Variants in GABRR3 observed in about 807,000 individuals in gnomAD.
GABRR3 encodes the protein gamma-aminobutyric acid receptor subunit rho-3.
GABRR3 carries 29 observed loss-of-function variants against 43.2 expected under a neutral mutation model. The ratio of observed to expected loss-of-function variants is 0.67; its 90% CI spans 0.50 to 0.92. GABRR3 has a LOEUF of 0.92. Ranked by LOEUF, GABRR3 falls within the 40% of genes least tolerant of loss-of-function variation. The pLI, the probability that GABRR3 is intolerant of heterozygous loss-of-function variation, is 0.00. For synonymous variants in GABRR3, 206 were observed against 195.9 expected (o/e 1.05, Z -0.43); for missense variants, 576 against 572.3 (o/e 1.01, Z -0.07).
chr3:98,014,822 G>T lies in GABRR3; in HGVS notation c.307-2255C>A, dbSNP rs78262155. On this transcript the variant is annotated intron_variant, in intron 4 of 9. Transcript: ENST00000621172. ...TGATTTTAGTGATTGATATTTTCTA[G>T]GTCCCTCCCTCAACAGATCCCTGTT... is the stretch of plus-strand genomic sequence containing the variant. Among the ~76,000 whole-genome samples the T allele has an allele frequency of 8.7e-3, 1,326 of 152,180 alleles. 17 individuals are homozygous for T. The highest frequency in any genetic ancestry group is 0.03 in the African/African-American group (1,264 of 41,532).
rs74346185 is a variant in GABRR3, at chr3:98,016,721, A to C, written c.306+934T>G. Among the ~76,000 whole-genome samples the C allele has an allele frequency of 1.2e-3, 177 of 152,338 alleles. 2 individuals are homozygous for C. The East Asian group carries it at 0.03, about 26-fold the overall frequency. On this transcript the variant is annotated intron_variant, in intron 4 of 9. Transcript: ENST00000621172. Reference sequence around the variant, plus strand: ...GATCAAGAGTGAGTAAAAAGGAAATATATCTGAAAACAAATATGTAGGTGC... The same window carrying C: ...GATCAAGAGTGAGTAAAAAGGAAATCTATCTGAAAACAAATATGTAGGTGC...
chr3:97,986,565 G>A (rs564785004), downstream of GABRR3: 136 of 669,316 alleles, frequency 2.0e-4, no homozygotes, highest in African/African-American at 2.4e-3. Context: ...ATTTTCATTA[G>A]GGCAGGAGAG....
In GABRR3 at chr3:98,011,413, T is replaced by C. The variant is rs1360767502; in HGVS notation, c.530+931A>G. 2.0e-5 allele frequency among the ~76,000 whole-genome samples: 3 copies of C among 152,198 alleles called. No individual in the cohort carries two copies. The East Asian group carries it at 5.8e-4, about 29-fold the overall frequency. ...CTCTTAGCTCTAGGGGGAAAATCCA[T>C]GTGTCCTATAGCTTCTGGTGGCTGC... On this transcript the variant is annotated intron_variant, in intron 5 of 9. Coordinates refer to ENST00000621172, the Ensembl canonical transcript of GABRR3.
At chr3:98,007,445 A>C (rs1398786820) in intron 7 of GABRR3, among the ~76,000 whole-genome samples, 1 of 152,190 alleles carries the variant, frequency 6.6e-6, no homozygotes, top group East Asian at 1.9e-4. Flanking sequence ...AATTTGTTGT[A>C]AATGTGATGG....
Position 98,007,757 on chromosome 3 carries a change from G to T in GABRR3, c.754+7C>A. 1 of 1,613,400 alleles carries T rather than the reference G, an allele frequency of 6.2e-7. No homozygotes were observed. Among genetic ancestry groups the T allele is most frequent in the Non-Finnish European group, 8.5e-7 (1 of 1,179,672 alleles). ...TGCTGATGAATCACCCATGTAAAAT[G>T]CTGTACCTGTGCTGCTATAGAAAGC... On this transcript the variant is annotated splice_region_variant and intron_variant, in intron 7 of 9. Transcript: ENST00000621172.
At chr3:97,993,661 A>T (rs1466221613) in intron 8 of GABRR3, among the ~76,000 whole-genome samples, 1 of 152,158 alleles carries the variant, frequency 6.6e-6, no homozygotes, top group East Asian at 1.9e-4. Flanking sequence ...GGTTCAGTTC[A>T]TTGTAAACAC....
rs1277244609 is a variant in GABRR3 at position 98,034,857 on chromosome 3, T to A, written c.125+6A>T. The A allele has an allele frequency of 8.7e-6, 14 of 1,612,660 alleles. No individual in the cohort carries two copies. Among genetic ancestry groups the A allele is most frequent in the Middle Eastern group, 1.6e-4 (1 of 6,068 alleles). ...AATTCCATGGACTGCACTATGAGCA[T>A]CTTACCAGGTTTGTTTCATTGAAGA... On this transcript the variant is annotated splice_donor_region_variant and intron_variant, in intron 2 of 9. Coordinates refer to ENST00000621172, the Ensembl canonical transcript of GABRR3.
downstream of GABRR3, among the ~76,000 whole-genome samples, chr3:97,986,123 C>T (rs980909538): frequency 1.7e-4 from 26 of 152,162 alleles, no homozygotes; most frequent in Admixed American, 5.2e-4. Context: ...ACCTCGGCCT[C>T]CCAAAGTGCT....
intron 9 of GABRR3, among the ~76,000 whole-genome samples, chr3:97,992,269 C>T (rs1706478613): frequency 6.6e-6 from 1 of 152,138 alleles, no homozygotes; most frequent in African/African-American, 2.4e-5. Context: ...AATGCTGGCT[C>T]TCGATGGAGA....
intron 9 of GABRR3, 66 bp downstream of exon 9, chr3:97,992,786 G>C (rs1048296775): frequency 1.4e-6 from 2 of 1,403,910 alleles, no homozygotes; most frequent in East Asian, 4.6e-5. Context: ...GTCAAGAGAG[G>C]GCAATAGATA....
At chr3:98,034,865 G>T in exon 2 of GABRR3, 1 of 1,612,886 alleles carries the variant, frequency 6.2e-7, no homozygotes, top group East Asian at 2.2e-5. Context: ...CATCTTACCA[G>T]GTTTGTTTCA....
chr3:98,005,210 AAC>A (rs60490447), intron 7 of GABRR3, among the ~76,000 whole-genome samples: 24,999 of 147,822 alleles, frequency 0.17, 2,115 homozygotes, highest in African/African-American at 0.21. Context: ...CTAGGCTTTT[AAC>A]ACACACACAC....
At chr3:97,985,372 C>T (rs1259468625), downstream of GABRR3, among the ~76,000 whole-genome samples, 4 of 152,308 alleles carry the variant, frequency 2.6e-5, no homozygotes, top group East Asian at 5.8e-4. Flanking sequence ...AAATACATTT[C>T]ATTCAGTTTT....
intron 9 of GABRR3, among the ~76,000 whole-genome samples, chr3:97,988,474 C>T (rs561317412): frequency 5.5e-4 from 83 of 152,118 alleles, no homozygotes; most frequent in African/African-American, 1.8e-3. Flanking sequence ...CTGAGTGTCT[C>T]GGGGAGAGAG....
intron 9 of GABRR3, among the ~76,000 whole-genome samples, chr3:97,989,677 T>A (rs1035460009): frequency 6.6e-6 from 1 of 152,034 alleles, no homozygotes; most frequent in African/African-American, 2.4e-5. Flanking sequence ...ACTGGCACGT[T>A]TAGCTCTGTC....
At chr3:97,987,427 T>C (rs1016320160) in intron 9 of GABRR3, among the ~76,000 whole-genome samples, 2 of 152,208 alleles carry the variant, frequency 1.3e-5, no homozygotes, top group Admixed American at 1.3e-4. Flanking sequence ...CTTGAAGGTT[T>C]TACTCTGAGG....
At chr3:98,035,137 A>G (rs1440506034) in intron 1 of GABRR3, 53 bp downstream of exon 1, 4 of 913,840 alleles carry the variant, frequency 4.4e-6, no homozygotes, top group African/African-American at 1.7e-5. Flanking sequence ...TCAATGCTGC[A>G]CTTTGTTTTA....
intron 2 of GABRR3, among the ~76,000 whole-genome samples, chr3:98,032,361 A>C (rs1039639898): frequency 2.6e-5 from 4 of 152,226 alleles, no homozygotes; most frequent in African/African-American, 9.6e-5. Context: ...TGCAAGCCAG[A>C]CTGAGCAGAC....
chr3:97,993,507 T>G (rs994392544), intron 8 of GABRR3, among the ~76,000 whole-genome samples: 5 of 152,226 alleles, frequency 3.3e-5, no homozygotes, highest in Admixed American at 3.3e-4. Context: ...TATTTCTTCT[T>G]GAAAGATCTT....
Sources: gnomAD v4.1 joint callset for allele counts (sites outside exome capture counted in the v4.1 genomes callset) on GRCh38, gnomAD v4.1.1 for gene constraint, MANE v1.5 for transcripts, NCBI Gene and HGNC (gene_info 2026-07-23, HGNC 2026-07-21) for gene names.